Variants in PEAK1 observed in about 807,000 individuals in gnomAD.
PEAK1 encodes the protein pseudopodium enriched atypical kinase 1.
PEAK1 carries 54 observed loss-of-function variants against 124.7 expected under a neutral mutation model. That is an observed-to-expected ratio of 0.43 (90% confidence interval 0.35 to 0.54). The LOEUF is 0.54. Ranked by LOEUF, PEAK1 falls within the 20% of genes least tolerant of loss-of-function variation. The pLI is 0.01. For missense variants in PEAK1, 2,046 were observed against 2,134.5 expected (o/e 0.96, Z 0.82); for synonymous variants, 719 against 760.0 (o/e 0.95, Z 0.89).
rs958368111 is a variant in PEAK1, at chr15:77,291,414, C to A, written c.-602-4910G>T. On this transcript the variant is annotated intron_variant, in intron 2 of 9. Transcript: ENST00000682557. ...ATAAACACTATTATAAAATAAATTT[C>A]TTTAAGAGAAAAGCGACTGATAATG... Among the ~76,000 whole-genome samples the A allele has an allele frequency of 2.6e-5, 4 of 152,166 alleles. No individual in the cohort carries two copies. In the South Asian group the frequency reaches 8.3e-4, roughly 32 times the overall value.
intron 1 of PEAK1, among the ~76,000 whole-genome samples, chr15:77,411,437 T>C (rs1224218387): frequency 1.3e-5 from 2 of 152,212 alleles, no homozygotes; most frequent in African/African-American, 4.8e-5. Context: ...CCTCCGAAAC[T>C]AATGTTAACA....
intron 1 of PEAK1, among the ~76,000 whole-genome samples, chr15:77,379,516 G>A (rs1299673012): frequency 6.6e-6 from 1 of 152,072 alleles, no homozygotes; most frequent in Non-Finnish European, 1.5e-5. Flanking sequence ...ATACATGGAG[G>A]GAAGCCATTT....
intron 7 of PEAK1, among the ~76,000 whole-genome samples, chr15:77,173,117 C>T (rs186395417): frequency 8.5e-5 from 13 of 152,216 alleles, no homozygotes; most frequent in Admixed American, 3.3e-4. Context: ...TCTCCTAGTA[C>T]AATATGGTGC....
intron 6 of PEAK1, among the ~76,000 whole-genome samples, chr15:77,236,926 G>A (rs575145673): frequency 6.6e-6 from 1 of 152,226 alleles, no homozygotes; most frequent in East Asian, 1.9e-4. Flanking sequence ...TGTGAAGAAG[G>A]TGCTTTGCTT....
At chr15:77,102,410 C>T (rs2152701306) in exon 7 of PEAK1, 2 of 152,218 alleles carry the variant, frequency 1.3e-5, no homozygotes, top group Non-Finnish European at 1.5e-5. Flanking sequence ...TTAGTCAAAC[C>T]TATTGATCTT....
At chr15:77,329,191 A>C (rs1226083536) in intron 2 of PEAK1, among the ~76,000 whole-genome samples, 1 of 152,200 alleles carries the variant, frequency 6.6e-6, no homozygotes, top group Non-Finnish European at 1.5e-5. Flanking sequence ...AACATGATTC[A>C]GAACCAAAAT....
chr15:77,226,161 C>A (rs2059667090), intron 6 of PEAK1, among the ~76,000 whole-genome samples: 1 of 135,078 alleles, frequency 7.4e-6, no homozygotes, highest in Admixed American at 7.8e-5. Flanking sequence ...GGAAACAGAA[C>A]AATAGTTCTC....
chr15:77,237,494 T>C (rs2060175364), intron 6 of PEAK1, among the ~76,000 whole-genome samples: 1 of 152,060 alleles, frequency 6.6e-6, no homozygotes, highest in Non-Finnish European at 1.5e-5. Flanking sequence ...CCTATAATTT[T>C]CTTTTAATAT....
At chr15:77,249,138 AT>A (rs558672440) in intron 6 of PEAK1, among the ~76,000 whole-genome samples, 37 of 147,302 alleles carry the variant, frequency 2.5e-4, no homozygotes, top group Non-Finnish European at 3.9e-4. Flanking sequence ...TACTATTGAA[AT>A]TTTTTTTTTT....
chr15:77,138,861 C>CAAAA (rs34066984), intron 8 of PEAK1, among the ~76,000 whole-genome samples: 3 of 131,354 alleles, frequency 2.3e-5, no homozygotes, highest in Non-Finnish European at 3.2e-5. Flanking sequence ...GACTCTGTCT[C>CAAAA]AAAAAAAAAA....
At chr15:77,102,354 T>C (rs1465050396) in exon 7 of PEAK1, 3 of 152,216 alleles carry the variant, frequency 2.0e-5, no homozygotes, top group East Asian at 1.9e-4. Context: ...TTATTTACTT[T>C]TCAATTTTGT....
chr15:77,139,508 G>A (rs971117837), intron 8 of PEAK1, among the ~76,000 whole-genome samples: 24 of 152,080 alleles, frequency 1.6e-4, no homozygotes, highest in Non-Finnish European at 1.2e-4. Flanking sequence ...AATGCCTTGC[G>A]CTGTGATGTC....
chr15:77,263,104 G>A (rs1410658893), intron 5 of PEAK1, among the ~76,000 whole-genome samples: 1 of 152,176 alleles, frequency 6.6e-6, no homozygotes, highest in Non-Finnish European at 1.5e-5. Context: ...ATTCAAAGCA[G>A]TGCGTAGAGG....
At chr15:77,216,952 A>G (rs147880627) in intron 6 of PEAK1, among the ~76,000 whole-genome samples, 1 of 152,218 alleles carries the variant, frequency 6.6e-6, no homozygotes, top group East Asian at 1.9e-4. Context: ...GACAAAGTAC[A>G]GGCAGGGTGC....
intron 2 of PEAK1, among the ~76,000 whole-genome samples, chr15:77,326,261 A>T (rs2065570662): frequency 6.6e-6 from 1 of 152,166 alleles, no homozygotes; most frequent in Admixed American, 6.5e-5. Context: ...TAACTTTGAT[A>T]AAGGAGATGC....
intron 7 of PEAK1, chr15:77,178,417 G>A (rs1406880960): frequency 4.2e-6 from 1 of 240,740 alleles, no homozygotes; most frequent in Non-Finnish European, 8.0e-6. Context: ...TTACAGTGAG[G>A]GAAAGAACAG....
chr15:77,209,719 A>T (rs2058818410), intron 6 of PEAK1, among the ~76,000 whole-genome samples: 3 of 152,078 alleles, frequency 2.0e-5, no homozygotes, highest in Admixed American at 6.6e-5. Flanking sequence ...TTTTTTCTTC[A>T]CTGGGTGTGG....
intron 1 of PEAK1, among the ~76,000 whole-genome samples, chr15:77,394,338 C>A (rs1245730818): frequency 1.3e-5 from 2 of 152,244 alleles, no homozygotes; most frequent in South Asian, 2.1e-4. Context: ...CGGTGCCATG[C>A]TGACCGCAGG....
intron 6 of PEAK1, among the ~76,000 whole-genome samples, chr15:77,204,327 G>C (rs571513238): frequency 6.6e-6 from 1 of 152,198 alleles, no homozygotes; most frequent in African/African-American, 2.4e-5. Context: ...CCCTTTGGAA[G>C]ACAGTATGGC....
Sources: allele counts gnomAD v4.1 joint callset (sites outside exome capture counted in the v4.1 genomes callset), GRCh38; gene constraint gnomAD v4.1.1; transcripts MANE v1.5; gene names NCBI Gene and HGNC (gene_info 2026-07-23, HGNC 2026-07-21).